The following CHRM5 variants were observed in gnomAD, a reference collection of about 807,000 sequenced individuals.
CHRM5 encodes the protein muscarinic acetylcholine receptor M5.
A neutral mutation model predicts 39.0 loss-of-function variants in CHRM5; 18 were observed. That is an observed-to-expected ratio of 0.46 (90% CI 0.32 to 0.68). CHRM5 has a LOEUF of 0.68. Ranked by LOEUF, CHRM5 falls within the 30% of genes least tolerant of loss-of-function variation. The probability of loss-of-function intolerance (pLI) is 0.04; values close to 1 mark genes in which losing one functional copy is unlikely to be tolerated. For synonymous variants in CHRM5, 241 were observed against 246.3 expected (o/e 0.98, Z 0.20); for missense variants, 515 against 651.1 (o/e 0.79, Z 2.28).
At chr15:34,016,611 TCAA>T (rs1352090777) in intron 1 of CHRM5, among the ~76,000 whole-genome samples, 1 of 152,168 alleles carries the variant, frequency 6.6e-6, no homozygotes, top group Non-Finnish European at 1.5e-5. Context: ...TTTGATCCAG[TCAA>T]CAAACTTTTC....
chr15:34,038,390 G>A (rs994419238), intron 1 of CHRM5, among the ~76,000 whole-genome samples: 1 of 152,194 alleles, frequency 6.6e-6, no homozygotes, highest in South Asian at 2.1e-4. Flanking sequence ...AGGCTGCCGA[G>A]GGACCACGTC....
chr15:34,007,490 C>T (rs1478570976), intron 1 of CHRM5, among the ~76,000 whole-genome samples: 1 of 152,162 alleles, frequency 6.6e-6, no homozygotes, highest in Non-Finnish European at 1.5e-5. Context: ...TTCCTCATTT[C>T]CATCTGAGAC....
At chr15:34,011,332 G>A (rs891173193) in intron 1 of CHRM5, among the ~76,000 whole-genome samples, 3 of 151,934 alleles carry the variant, frequency 2.0e-5, no homozygotes, top group East Asian at 1.9e-4. Context: ...AAAAAAGGGC[G>A]TTTCCATTTG....
At chr15:34,005,873 G>A (rs891483549) in intron 1 of CHRM5, among the ~76,000 whole-genome samples, 10 of 152,154 alleles carry the variant, frequency 6.6e-5, no homozygotes, top group South Asian at 4.1e-4. Flanking sequence ...AAAAGATGGC[G>A]TTCTACATTA....
intron 1 of CHRM5, among the ~76,000 whole-genome samples, chr15:34,010,735 T>C (rs1369260874): frequency 6.6e-6 from 1 of 152,212 alleles, no homozygotes; most frequent in Admixed American, 6.5e-5. Context: ...TGATTACTAA[T>C]GTCAAATATT....
chr15:33,995,431 T>C (rs1896894181), intron 1 of CHRM5, among the ~76,000 whole-genome samples: 1 of 152,240 alleles, frequency 6.6e-6, no homozygotes, highest in South Asian at 2.1e-4. Context: ...CTATACTTTT[T>C]GCATAGGTTA....
At chr15:34,042,651 C>T (rs1401150031) in intron 1 of CHRM5, among the ~76,000 whole-genome samples, 3 of 151,926 alleles carry the variant, frequency 2.0e-5, no homozygotes, top group Admixed American at 1.3e-4. Context: ...GATCCATCCG[C>T]CTCAGCCTCC....
intron 1 of CHRM5, among the ~76,000 whole-genome samples, chr15:34,027,043 A>T (rs1439133674): frequency 6.6e-6 from 1 of 152,192 alleles, no homozygotes; most frequent in Non-Finnish European, 1.5e-5. Context: ...ACCTCTGCAA[A>T]CCCACTCTAC....
intron 1 of CHRM5, among the ~76,000 whole-genome samples, chr15:33,975,363 C>T (rs540574975): frequency 7.2e-5 from 11 of 152,254 alleles, no homozygotes; most frequent in Admixed American, 4.6e-4. Context: ...GCACAGGTTG[C>T]GAAACAGTGC....
intron 2 of CHRM5, among the ~76,000 whole-genome samples, chr15:34,054,554 C>G (rs758708299): frequency 6.6e-5 from 10 of 152,232 alleles, no homozygotes; most frequent in Non-Finnish European, 1.3e-4. Flanking sequence ...GAAGCTATTA[C>G]CCTGAGCAGA....
At chr15:33,983,203 T>C (rs1225616276) in intron 1 of CHRM5, among the ~76,000 whole-genome samples, 8 of 20,626 alleles carry the variant, frequency 3.9e-4, no homozygotes, top group African/African-American at 1.6e-3. Flanking sequence ...TGTGTGTGTA[T>C]ATATATATAT....
intron 1 of CHRM5, among the ~76,000 whole-genome samples, chr15:33,974,579 G>T (rs1004676996): frequency 1.3e-5 from 2 of 152,176 alleles, no homozygotes; most frequent in Non-Finnish European, 2.9e-5. Context: ...GTGTTGGGGT[G>T]GGGGCAGCTA....
At position 34,062,759 on chromosome 15, in the gene CHRM5, C is replaced by T. The variant is rs1480664120; in HGVS notation, c.42C>T (p.Gly14=). ...DSYHNATTVN[G]TPVNHQPLER... ...ACCACAATGCAACCACCGTCAATGG[C>T]ACCCCAGTAAATCACCAGCCTTTGG... Residue 14 remains glycine, a synonymous_variant, in exon 3 of 3, where the codon GGC becomes GGT. Coordinates refer to ENST00000383263, the MANE Select transcript of CHRM5 (RefSeq NM_012125.4). 6.2e-7 allele frequency: 1 copy of T among 1,613,646 alleles called. No individual in the cohort carries two copies. Among genetic ancestry groups the T allele is most frequent in the Admixed American group, 1.7e-5 (1 of 60,018 alleles).
chr15:33,996,478 T>C (rs1896941095), intron 1 of CHRM5, among the ~76,000 whole-genome samples: 1 of 152,154 alleles, frequency 6.6e-6, no homozygotes, highest in Non-Finnish European at 1.5e-5. Context: ...GGACGAAGCT[T>C]CCAGAGGAAG....
chr15:33,976,442 C>A (rs1168044649), intron 1 of CHRM5, among the ~76,000 whole-genome samples: 1 of 145,692 alleles, frequency 6.9e-6, no homozygotes, highest in Admixed American at 7.2e-5. Context: ...AACCAACAAC[C>A]AATACCCATG....
At chr15:34,031,148 A>G (rs557738145) in intron 1 of CHRM5, among the ~76,000 whole-genome samples, 1 of 145,880 alleles carries the variant, frequency 6.9e-6, no homozygotes, top group South Asian at 2.2e-4. Flanking sequence ...TATTATCCCA[A>G]TTATGCTTTG....
Position 34,063,347 on chromosome 15 carries a change from C to T in CHRM5, c.630C>T (p.Thr210=), listed in dbSNP as rs544152056. The T allele has an allele frequency of 9.9e-6, 16 of 1,614,036 alleles. No individual in the cohort carries two copies. The highest frequency in any genetic ancestry group is 1.6e-4 in the Middle Eastern group (1 of 6,084). The change falls in exon 3 of 3, where the codon ACC becomes ACT. Residue 210 remains threonine, a synonymous_variant. Transcript: ENST00000383263. The surrounding 1 kb of genome is among the most constrained non-coding windows in gnomAD (Gnocchi z 4.1). ...TCTACATCCCTGTTTCTGTCATGACCATCCTCTACTGTCGAATCTACCGGG... is the reference window on the plus strand; with the variant it reads ...TCTACATCCCTGTTTCTGTCATGACTATCCTCTACTGTCGAATCTACCGGG... ...AAFYIPVSVM[T]ILYCRIYRET...
At chr15:34,011,331 C>A (rs187233198) in intron 1 of CHRM5, among the ~76,000 whole-genome samples, 50 of 151,934 alleles carry the variant, frequency 3.3e-4, no homozygotes, top group Non-Finnish European at 5.7e-4. Flanking sequence ...CAAAAAAGGG[C>A]GTTTCCATTT....
At chr15:33,972,182 AT>A (rs1478105038) in intron 1 of CHRM5, 1 of 152,126 alleles carries the variant, frequency 6.6e-6, no homozygotes, top group African/African-American at 2.4e-5. Context: ...TGTTGGTTAA[AT>A]TCACAGACCA....
Sources: gnomAD v4.1 joint callset for allele counts (sites outside exome capture counted in the v4.1 genomes callset) on GRCh38, gnomAD v4.1.1 for gene constraint, Gnocchi (gnomAD v3.1) non-coding constraint, MANE v1.5 for transcripts, NCBI Gene and HGNC (gene_info 2026-07-23, HGNC 2026-07-21) for gene names.